Variants in RPTOR observed in about 807,000 individuals in gnomAD.
The protein encoded by RPTOR is regulatory-associated protein of mTOR.
RPTOR carries 21 observed loss-of-function variants against 169.9 expected under a neutral mutation model. The ratio of observed to expected loss-of-function variants is 0.12; its 90% CI spans 0.09 to 0.18. RPTOR has a LOEUF of 0.18. RPTOR is among the 10% of genes least tolerant of loss of function. The pLI, the probability that RPTOR is intolerant of heterozygous loss-of-function variation, is 1.00. For synonymous variants in RPTOR, 732 were observed against 753.2 expected, an observed-to-expected ratio of 0.97 and a Z score of 0.46; for missense variants, 1,133 against 1,855.9, an observed-to-expected ratio of 0.61 and a Z score of 7.16.
intron 3 of RPTOR, among the ~76,000 whole-genome samples, chr17:80,691,424 G>T (rs1024988266): frequency 9.2e-5 from 14 of 151,472 alleles, no homozygotes; most frequent in African/African-American, 2.4e-4. Context: ...CTAGTGTGGG[G>T]GTGTGTGTGG....
chr17:80,919,223 C>T (rs888778784), intron 21 of RPTOR, among the ~76,000 whole-genome samples: 1 of 152,170 alleles, frequency 6.6e-6, no homozygotes, highest in Non-Finnish European at 1.5e-5. Context: ...ATCTAGGAAA[C>T]GCAGTTTGCA....
chr17:80,709,593 C>G (rs115168906), intron 4 of RPTOR, among the ~76,000 whole-genome samples: 1 of 152,256 alleles, frequency 6.6e-6, no homozygotes, highest in African/African-American at 2.4e-5. Flanking sequence ...GGGACCCCGC[C>G]CTTCTCAGTG....
Position 80,957,379 on chromosome 17 carries a change from C to A in RPTOR, c.3371-245C>A, listed in dbSNP as rs1240171908. Among the ~76,000 whole-genome samples the A allele has an allele frequency of 6.6e-6, 1 of 152,052 alleles. No individual in the cohort carries two copies. Among genetic ancestry groups the A allele is most frequent in the East Asian group, 1.9e-4 (1 of 5,190 alleles). On this transcript the variant is annotated intron_variant, in intron 28 of 33. Coordinates refer to ENST00000306801, the MANE Select transcript of RPTOR (RefSeq NM_020761.3). The surrounding 1 kb of genome is among the most constrained non-coding windows in gnomAD (Gnocchi z 4.6). ...CCCAGCCTGGACTTGGGAGTTCCAGCTCAGAATTGTCATCCCGGCCCGGAC... is the reference window on the plus strand; with the variant it reads ...CCCAGCCTGGACTTGGGAGTTCCAGATCAGAATTGTCATCCCGGCCCGGAC...
At chr17:80,877,349 C>G (rs554787785) in intron 13 of RPTOR, among the ~76,000 whole-genome samples, 4 of 152,114 alleles carry the variant, frequency 2.6e-5, no homozygotes, top group Admixed American at 6.5e-5. Context: ...TGACCCCTGC[C>G]GAGCGCTGAA....
Position 80,846,526 on chromosome 17 carries a change from G to A in RPTOR, c.1266G>A (p.Met422Ile), listed in dbSNP as rs370810342. 17 of 1,614,108 alleles carry A rather than the reference G, an allele frequency of 1.1e-5. No individual in the cohort carries two copies. Among genetic ancestry groups the A allele is most frequent in the Non-Finnish European group, 1.4e-5 (17 of 1,180,044 alleles). The part of the protein sequence containing the change: ...QLTAFQVWLT[M>I]GVENRNPPEQ... ...CCGCATTCCAGGTGTGGCTCACCAT[G>A]GGCGTGGAGAACCGAAACCCACCCG... The change falls in exon 11 of 34, where the codon ATG becomes ATA. Residue 422 changes from methionine (M) to isoleucine (I), a missense_variant. Met to Ile is a conservative substitution (Grantham distance 10, BLOSUM62 1). Coordinates refer to ENST00000306801, the MANE Select transcript of RPTOR (RefSeq NM_020761.3).
chr17:80,782,727 A>G (rs1309635936), intron 6 of RPTOR, among the ~76,000 whole-genome samples: 2 of 152,162 alleles, frequency 1.3e-5, no homozygotes, highest in Non-Finnish European at 2.9e-5. Context: ...AGGCATTTTC[A>G]CGTGAGAAAC....
In RPTOR at chr17:80,803,760, A is replaced by C. The variant is rs2067187892; in HGVS notation, c.890+12251A>C. 1 of 152,280 alleles carries C rather than the reference A, an allele frequency of 6.6e-6. No homozygotes were observed. Among genetic ancestry groups the C allele is most frequent in the Non-Finnish European group, 1.5e-5 (1 of 68,076 alleles). The allele number at this position is 152,280 out of a possible 1,614,324, so 9.4% of individuals were successfully genotyped here. A position where few individuals can be genotyped will look rare whatever the true frequency, so the allele number is the denominator to read the frequency against. On this transcript the variant is annotated intron_variant, in intron 7 of 33. Coordinates refer to ENST00000306801, the MANE Select transcript of RPTOR (RefSeq NM_020761.3). This position sits in a 1 kb window ranked among gnomAD's most constrained non-coding sequence, Gnocchi z 6.2. ...ACATCCTGATCAGGGGAAGAAACGC[A>C]CATAAGAGGAGTGTGAATGTACCAG...
chr17:80,932,146 C>CATAT (rs57950527), intron 24 of RPTOR, among the ~76,000 whole-genome samples: 8,929 of 145,546 alleles, frequency 0.061, 823 homozygotes, highest in African/African-American at 0.2. Context: ...TCCAGGCATG[C>CATAT]ATATATATAT....
intron 1 of RPTOR, among the ~76,000 whole-genome samples, chr17:80,590,498 A>G (rs1457757971): frequency 6.7e-6 from 1 of 150,374 alleles, no homozygotes; most frequent in Admixed American, 6.6e-5. Context: ...ACATGCGTGC[A>G]CACAGTGTCT....
At chr17:80,808,707 T>C (rs914553508) in intron 7 of RPTOR, among the ~76,000 whole-genome samples, 1 of 152,184 alleles carries the variant, frequency 6.6e-6, no homozygotes. Context: ...CAGGCAACCA[T>C]TGATCTGGGT....
In RPTOR at chr17:80,799,861, C is replaced by T. The variant is rs369891148; in HGVS notation, c.890+8352C>T. ...GTGCCAGGTGGTGATCGGCACATAACGTGACAGATGGGCAGGTGTGTTTGT... is the reference window on the plus strand; with the variant it reads ...GTGCCAGGTGGTGATCGGCACATAATGTGACAGATGGGCAGGTGTGTTTGT... On this transcript the variant is annotated intron_variant, in intron 7 of 33. Transcript: ENST00000306801. 2.0e-4 allele frequency among the ~76,000 whole-genome samples: 31 copies of T among 152,304 alleles called. 2 individuals are homozygous for T. Among genetic ancestry groups the T allele is most frequent in the East Asian group, 1.7e-3 (9 of 5,174 alleles).
In RPTOR at chr17:80,562,505, C is replaced by T. The variant is rs567543938; in HGVS notation, c.162+16714C>T. 1.1e-4 allele frequency among the ~76,000 whole-genome samples: 16 copies of T among 152,250 alleles called. No homozygotes were observed. The East Asian group carries it at 2.1e-3, about 20-fold the overall frequency. ...TCCTTAAAAGTAGATCAGACAAGGC[C>T]GGGAGCAGTGGCTCATGCGTGTAAT... On this transcript the variant is annotated intron_variant, in intron 1 of 33. Coordinates refer to ENST00000306801, the MANE Select transcript of RPTOR (RefSeq NM_020761.3). The surrounding 1 kb of genome is among the most constrained non-coding windows in gnomAD (Gnocchi z 4.4).
At chr17:80,882,252 A>G (rs2068193853) in intron 14 of RPTOR, among the ~76,000 whole-genome samples, 1 of 152,368 alleles carries the variant, frequency 6.6e-6, no homozygotes, top group South Asian at 2.1e-4. Flanking sequence ...TTTTGATTAG[A>G]TAGTGGCTGA....
At chr17:80,564,495 T>C (rs893458125) in intron 1 of RPTOR, among the ~76,000 whole-genome samples, 11 of 152,154 alleles carry the variant, frequency 7.2e-5, no homozygotes, top group Admixed American at 2.6e-4. Flanking sequence ...AAAACAACAT[T>C]TATTTTAGGT....
At chr17:80,885,224 G>A (rs2068231940) in intron 17 of RPTOR, 76 bp downstream of exon 17, 5 of 1,490,696 alleles carry the variant, frequency 3.4e-6, no homozygotes, top group African/African-American at 2.8e-5. Context: ...AGCCCGCATG[G>A]CCCTGACCAC....
chr17:80,789,936 G>C (rs1350776848), intron 6 of RPTOR, among the ~76,000 whole-genome samples: 1 of 152,226 alleles, frequency 6.6e-6, no homozygotes, highest in East Asian at 1.9e-4. Flanking sequence ...ATCCCAATCA[G>C]TAAGTACATT....
intron 1 of RPTOR, among the ~76,000 whole-genome samples, chr17:80,587,590 AC>A (rs764792170): frequency 3.9e-5 from 6 of 152,156 alleles, no homozygotes; most frequent in Non-Finnish European, 7.3e-5. Flanking sequence ...CCACACTGTT[AC>A]GCATTTTTAC....
intron 11 of RPTOR, among the ~76,000 whole-genome samples, chr17:80,848,681 G>T (rs1427671261): frequency 1.3e-5 from 2 of 152,244 alleles, no homozygotes; most frequent in Non-Finnish European, 2.9e-5. Flanking sequence ...GGAGACACTG[G>T]CTCTCTTACT....
intron 6 of RPTOR, among the ~76,000 whole-genome samples, chr17:80,789,902 T>G (rs1373768500): frequency 6.6e-6 from 1 of 152,264 alleles, no homozygotes; most frequent in African/African-American, 2.4e-5. Flanking sequence ...ATATAAGTGA[T>G]TCTGTCATTA....
Sources: allele counts gnomAD v4.1 joint callset (sites outside exome capture counted in the v4.1 genomes callset), GRCh38; gene constraint gnomAD v4.1.1; non-coding constraint Gnocchi (gnomAD v3.1); transcripts MANE v1.5; gene names NCBI Gene and HGNC (gene_info 2026-07-23, HGNC 2026-07-21).